Variants in UGT2B4 observed in about 807,000 individuals in gnomAD.
UGT2B4 encodes UDP glucuronosyltransferase family 2 member B4, also known as UDP-glucuronosyltransferase 2B4.
Under a neutral mutation model 49.8 loss-of-function variants are expected in UGT2B4, and 49 were observed. The ratio of observed to expected loss-of-function variants is 0.98; its 90% CI spans 0.78 to 1.25. The LOEUF (loss-of-function observed/expected upper bound fraction) is 1.25. Ranked by LOEUF, UGT2B4 falls within the 50% of genes most tolerant of loss-of-function variation. The probability of loss-of-function intolerance (pLI) is 0.00; values close to 1 mark genes in which losing one functional copy is unlikely to be tolerated. For missense variants in UGT2B4, 729 were observed against 627.7 expected, an observed-to-expected ratio of 1.16 and a Z score of -1.73; for synonymous variants, 246 against 217.7, an observed-to-expected ratio of 1.13 and a Z score of -1.14.
chr4:69,493,652 C>T (rs776900062), intron 2 of UGT2B4, 41 bp downstream of exon 2: 2 of 1,579,222 alleles, frequency 1.3e-6, no homozygotes, highest in Non-Finnish European at 1.7e-6. Context: ...ACCATTCGTA[C>T]TGAAACTTCA....
In UGT2B4 at chr4:69,516,872, GCTT is replaced by G. The variant is rs201430124; in HGVS notation, c.-106+8812_-106+8814del. 6.4e-3 allele frequency among the ~76,000 whole-genome samples: 921 copies of G among 144,976 alleles called. 10 individuals carry two copies. Among genetic ancestry groups the G allele is most frequent in the African/African-American group, 0.022 (893 of 39,860 alleles). On this transcript the variant is annotated intron_variant, in intron 1 of 1. Transcript: ENST00000510114. Reference sequence around the variant, plus strand: ...ATTTGCCCGCCTTACGCTCCCAAAGGCTTCTTTTTTTTTTTCTTTTTTTACATA... The same window carrying G: ...ATTTGCCCGCCTTACGCTCCCAAAGGCTTTTTTTTTTTCTTTTTTTACATA...
chr4:69,498,353 A>G (rs1430061921), upstream of UGT2B4, among the ~76,000 whole-genome samples: 1 of 152,214 alleles, frequency 6.6e-6, no homozygotes, highest in Non-Finnish European at 1.5e-5. Flanking sequence ...GCTCATATGC[A>G]TGGCTCTTGT....
chr4:69,511,965 C>T (rs907010350), intron 1 of UGT2B4, among the ~76,000 whole-genome samples: 3 of 151,872 alleles, frequency 2.0e-5, no homozygotes, highest in African/African-American at 4.8e-5. Context: ...ATAGTAGGCT[C>T]TTATAATCTT....
At chr4:69,500,802 T>A (rs1372248236), upstream of UGT2B4, among the ~76,000 whole-genome samples, 1 of 152,084 alleles carries the variant, frequency 6.6e-6, no homozygotes, top group African/African-American at 2.4e-5. Context: ...CACAGATCTC[T>A]GCAACCCTCG....
chr4:69,512,288 C>A (rs1728623937), intron 1 of UGT2B4, among the ~76,000 whole-genome samples: 1 of 151,970 alleles, frequency 6.6e-6, no homozygotes, highest in African/African-American at 2.4e-5. Context: ...CTACTATAAA[C>A]TTCCCTCTTA....
At chr4:69,504,808 T>A (rs914412671) in intron 1 of UGT2B4, among the ~76,000 whole-genome samples, 1 of 151,884 alleles carries the variant, frequency 6.6e-6, no homozygotes, top group African/African-American at 2.4e-5. Flanking sequence ...ATCAGATTCT[T>A]CTTGGTAGAA....
intron 1 of UGT2B4, among the ~76,000 whole-genome samples, chr4:69,515,228 A>T (rs1728701090): frequency 6.6e-6 from 1 of 152,194 alleles, no homozygotes; most frequent in Non-Finnish European, 1.5e-5. Flanking sequence ...CATTCTTATC[A>T]CCACATGGCA....
intron 1 of UGT2B4, among the ~76,000 whole-genome samples, chr4:69,521,397 A>G (rs1046264629): frequency 2.6e-5 from 4 of 152,168 alleles, no homozygotes; most frequent in African/African-American, 9.7e-5. Flanking sequence ...CCAAGCTTCC[A>G]GGTGCCACCA....
intron 1 of UGT2B4, among the ~76,000 whole-genome samples, chr4:69,521,606 C>T (rs1257634658): frequency 2.0e-5 from 3 of 152,192 alleles, no homozygotes; most frequent in African/African-American, 7.2e-5. Context: ...TACTTCATGC[C>T]TAGCTTGATG....
chr4:69,484,217 G>A (rs1727698157), intron 5 of UGT2B4, among the ~76,000 whole-genome samples: 1 of 152,020 alleles, frequency 6.6e-6, no homozygotes, highest in South Asian at 2.1e-4. Flanking sequence ...ATGACAAATG[G>A]AACAAGCATT....
In UGT2B4 at chr4:69,493,709, G is replaced by C; in HGVS notation, c.854C>G (p.Ala285Gly). ...EFVGGLHCKP[A>G]KPLPKEMEEF... Reference sequence around the variant, plus strand: ...ATAGTTTACCTTCGGTAGGGGTTTGGCAGGTTTGCAGTGGAGTCCTCCAAC... The same window carrying C: ...ATAGTTTACCTTCGGTAGGGGTTTGCCAGGTTTGCAGTGGAGTCCTCCAAC... The change falls in exon 2 of 6, where the codon GCC (alanine) becomes GGC (glycine). Residue 285 changes from alanine (A) to glycine (G), a missense_variant. Transcript: ENST00000305107. 6.2e-7 allele frequency: 1 copy of C among 1,607,190 alleles called. No individual in the cohort carries two copies. Among genetic ancestry groups the C allele is most frequent in the Non-Finnish European group, 8.5e-7 (1 of 1,177,658 alleles).
chr4:69,489,594 T>C lies in UGT2B4; in HGVS notation c.871-24A>G, dbSNP rs762280689. The C allele has an allele frequency of 1.9e-6, 3 of 1,596,292 alleles. No individual in the cohort carries two copies. In the Admixed American group the frequency reaches 5.4e-5, roughly 29 times the overall value. ...TCCTGTGAAAAAAAAGAATTTGTTC[T>C]ATCATAATAGATTATCAGCACAGCA... On this transcript the variant is annotated intron_variant, in intron 2 of 5. Transcript: ENST00000305107.
chr4:69,498,123 T>A (rs1459794141), upstream of UGT2B4, among the ~76,000 whole-genome samples: 1 of 152,232 alleles, frequency 6.6e-6, no homozygotes, highest in Non-Finnish European at 1.5e-5. Flanking sequence ...ACAGAATTAA[T>A]AGACTGCAGC....
chr4:69,481,025 T>C (rs1727572415), intron 5 of UGT2B4, 115 bp from the exon 6 acceptor site: 1 of 1,123,970 alleles, frequency 8.9e-7, no homozygotes, highest in South Asian at 1.5e-5. Context: ...GATCACGAGG[T>C]CAGGAGATCA....
intron 1 of UGT2B4, among the ~76,000 whole-genome samples, chr4:69,501,248 G>C (rs562792757): frequency 6.8e-6 from 1 of 147,900 alleles, no homozygotes; most frequent in Non-Finnish European, 1.5e-5. Context: ...GAACTGGGCC[G>C]GGGGCGGGTG....
In UGT2B4 at chr4:69,493,828, C is replaced by T. The variant is rs371420767; in HGVS notation, c.735G>A (p.Thr245=). 63 of 1,593,320 alleles carry T rather than the reference C, an allele frequency of 4.0e-5. No homozygotes were observed. Among genetic ancestry groups the T allele is most frequent in the Non-Finnish European group, 5.2e-5 (61 of 1,172,366 alleles). Reference sequence around the variant, plus strand: ...CAGCTTTTGCCATTGTCTCAGATAACGTAGTGGGTCTTCCTGATGGGGGAA... The same window carrying T: ...CAGCTTTTGCCATTGTCTCAGATAATGTAGTGGGTCTTCCTGATGGGGGAA... ...FYSEVLGRPT[T]LSETMAKADI... The change falls in exon 2 of 6, where the codon ACG becomes ACA. Residue 245 remains threonine (T), a synonymous_variant. Coordinates refer to ENST00000305107, the MANE Select transcript of UGT2B4 (RefSeq NM_021139.3).
In UGT2B4 at chr4:69,480,810, T is replaced by C. The variant is rs1462605996; in HGVS notation, c.1411A>G (p.Lys471Glu). 4 of 1,613,796 alleles carry C rather than the reference T, an allele frequency of 2.5e-6. No individual in the cohort carries two copies. In the African/African-American group the frequency reaches 4.0e-5, roughly 16 times the overall value. The change falls in exon 6 of 6, where the codon AAA (lysine) becomes GAA (glutamate). Residue 471 changes from lysine to glutamate, a missense_variant. Transcript: ENST00000305107. The stretch of plus-strand genomic sequence containing the variant: ...GCAACCCGAAGGTGCTTGGCTCCTT[T>C]ATGGCGCATGACAAATTCAATCCAG... ...VFWIEFVMRH[K>E]GAKHLRVAAH...
At chr4:69,516,807 C>T (rs1238253040) in intron 1 of UGT2B4, among the ~76,000 whole-genome samples, 1 of 151,726 alleles carries the variant, frequency 6.6e-6, no homozygotes, top group Non-Finnish European at 1.5e-5. Flanking sequence ...GGGATTTTGC[C>T]ATGATGGCCA....
At chr4:69,482,947 G>T (rs1577878651) in intron 5 of UGT2B4, among the ~76,000 whole-genome samples, 1 of 151,990 alleles carries the variant, frequency 6.6e-6, no homozygotes, top group African/African-American at 2.4e-5. Context: ...GAATACCACA[G>T]ATTATCTTTT....
Sources: allele counts gnomAD v4.1 joint callset (sites outside exome capture counted in the v4.1 genomes callset), GRCh38; gene constraint gnomAD v4.1.1; transcripts MANE v1.5; gene names NCBI Gene and HGNC (gene_info 2026-07-23, HGNC 2026-07-21).